ADARB2: variants seen among roughly 807,000 people sequenced by gnomAD.
ADARB2 encodes the protein adenosine deaminase RNA specific B2 (inactive), also known as inactive double-stranded RNA-specific editase B2.
In ADARB2, 25 loss-of-function variants were observed where a neutral mutation model predicts 62.2. That is an observed-to-expected ratio of 0.40 (90% CI 0.29 to 0.56). The LOEUF (loss-of-function observed/expected upper bound fraction) is 0.56. Among genes scored for constraint, ADARB2 ranks in the 20% least tolerant of loss-of-function variants. ADARB2 has a pLI of 0.43. For missense variants in ADARB2, 1,071 were observed against 1,077.4 expected, an observed-to-expected ratio of 0.99 and a Z score of 0.08; for synonymous variants, 572 against 500.8, an observed-to-expected ratio of 1.14 and a Z score of -1.90.
At position 1,636,665 on chromosome 10, in the gene ADARB2, T is replaced by A. The variant is rs1833920117; in HGVS notation, c.100+100386A>T. Among the ~76,000 whole-genome samples, 5 of 151,676 alleles carry A rather than the reference T, an allele frequency of 3.3e-5. No homozygotes were observed. In the South Asian group the frequency reaches 1.0e-3, roughly 32 times the overall value. ...TGATATAAATCTTGTACTTATTCAATTTTTATATATATGTAGATAGATATC... is the reference window on the plus strand; with the variant it reads ...TGATATAAATCTTGTACTTATTCAAATTTTATATATATGTAGATAGATATC... On this transcript the variant is annotated intron_variant, in intron 1 of 9. Coordinates refer to ENST00000381312, the MANE Select transcript of ADARB2 (RefSeq NM_018702.4).
rs370080074 is a variant in ADARB2 at position 1,651,981 on chromosome 10, G to C, written c.100+85070C>G. Among the ~76,000 whole-genome samples, 4 of 152,190 alleles carry C rather than the reference G, an allele frequency of 2.6e-5. No individual in the cohort carries two copies. In the East Asian group the frequency reaches 7.7e-4, roughly 29 times the overall value. On this transcript the variant is annotated intron_variant, in intron 1 of 9. Transcript: ENST00000381312. ...AGAAAAACGACACTATAAATAAAATGGTTTTCAATACAGAGAGCTGGGCTC... is the reference window on the plus strand; with the variant it reads ...AGAAAAACGACACTATAAATAAAATCGTTTTCAATACAGAGAGCTGGGCTC...
At chr10:1,423,537 T>C (rs1168972221) in intron 1 of ADARB2, among the ~76,000 whole-genome samples, 1 of 152,210 alleles carries the variant, frequency 6.6e-6, no homozygotes, top group African/African-American at 2.4e-5. Flanking sequence ...TAGTTGTCTT[T>C]GCTACCTTCC....
At chr10:1,547,975 G>A (rs927192592) in intron 1 of ADARB2, among the ~76,000 whole-genome samples, 5 of 152,166 alleles carry the variant, frequency 3.3e-5, no homozygotes, top group East Asian at 1.9e-4. Flanking sequence ...TTCAGGACAC[G>A]TGGTACTTGC....
chr10:1,322,043 A>AGT lies in ADARB2; in HGVS notation c.1077+40984_1077+40985insAC, dbSNP rs1473525600. Among the ~76,000 whole-genome samples the AGT allele has an allele frequency of 1.2e-3, 189 of 152,066 alleles. 1 individual carries two copies. The highest frequency in any genetic ancestry group is 4.3e-3 in the African/African-American group (180 of 41,476). On this transcript the variant is annotated intron_variant, in intron 3 of 9. Transcript: ENST00000381312. The stretch of plus-strand genomic sequence containing the variant: ...ATCCTGCCTCCTCCTCCCTCCTCTG[A>AGT]CCACCCAGCCCTGGACTCAGGAGAC...
intron 1 of ADARB2, among the ~76,000 whole-genome samples, chr10:1,713,149 C>T (rs945819543): frequency 6.6e-6 from 1 of 152,044 alleles, no homozygotes; most frequent in African/African-American, 2.4e-5. Context: ...TGGAGGGTAC[C>T]GCTCACACCT....
chr10:1,653,672 G>A (rs1428903549), intron 1 of ADARB2, among the ~76,000 whole-genome samples: 1 of 152,160 alleles, frequency 6.6e-6, no homozygotes, highest in Non-Finnish European at 1.5e-5. Flanking sequence ...GAGCCGCAGG[G>A]TCTGGGTTTT....
chr10:1,684,944 A>G (rs1045624820), intron 1 of ADARB2, among the ~76,000 whole-genome samples: 5 of 151,796 alleles, frequency 3.3e-5, no homozygotes, highest in Non-Finnish European at 7.4e-5. Context: ...GGCCTCATCC[A>G]TGCTCATGAG....
chr10:1,606,932 TG>T (rs1176468690), intron 1 of ADARB2, among the ~76,000 whole-genome samples: 2 of 152,206 alleles, frequency 1.3e-5, no homozygotes, highest in African/African-American at 2.4e-5. Flanking sequence ...TGACAGAATG[TG>T]GGGCAAATAG....
intron 1 of ADARB2, among the ~76,000 whole-genome samples, chr10:1,462,696 T>C (rs1469508339): frequency 6.6e-6 from 1 of 152,098 alleles, no homozygotes; most frequent in South Asian, 2.1e-4. Flanking sequence ...CATGTGTGTG[T>C]GCCTGTGTGT....
intron 1 of ADARB2, among the ~76,000 whole-genome samples, chr10:1,710,884 C>A (rs893538059): frequency 1.1e-4 from 17 of 152,156 alleles, no homozygotes; most frequent in African/African-American, 4.1e-4. Flanking sequence ...AGCTTTGATA[C>A]CTCCACAGAT....
rs370087895 is a variant in ADARB2 at position 1,557,444 on chromosome 10, T to C, written c.101-178284A>G. ...AGTCGCCTAAAATTCGCAGCCACGG[T>C]CCTCCAACAGGCCCCACGCTTCCCG... On this transcript the variant is annotated intron_variant, in intron 1 of 9. Transcript: ENST00000381312. Among the ~76,000 whole-genome samples, 89 of 152,144 alleles carry C rather than the reference T, an allele frequency of 5.8e-4. 2 individuals carry two copies. In the South Asian group the frequency reaches 0.018, roughly 31 times the overall value.
rs1240000204 is a variant in ADARB2, at chr10:1,181,466, AG to A, written c.*1726del. 6.6e-6 allele frequency: 1 copy of A among 152,252 alleles called. No individual in the cohort carries two copies. The highest frequency in any genetic ancestry group is 2.4e-5 in the African/African-American group (1 of 41,470). The allele number at this position is 152,252 out of a possible 1,614,324, so 9.4% of individuals were successfully genotyped here. ...TTATCTGGAAGAAGTTGTCTACTCC[AG>A]TACCTGTTTTCTTTTCTAAAAGAAC... On this transcript the variant is annotated 3_prime_UTR_variant, in exon 10 of 10. Coordinates refer to ENST00000381312, the MANE Select transcript of ADARB2 (RefSeq NM_018702.4).
At chr10:1,507,988 A>G (rs1015012777) in intron 1 of ADARB2, among the ~76,000 whole-genome samples, 1 of 152,164 alleles carries the variant, frequency 6.6e-6, no homozygotes, top group Non-Finnish European at 1.5e-5. Context: ...TGTCTGGTCC[A>G]AGGTTCCACA....
At chr10:1,211,463 C>T (rs890118217) in intron 7 of ADARB2, among the ~76,000 whole-genome samples, 7 of 152,144 alleles carry the variant, frequency 4.6e-5, no homozygotes, top group Non-Finnish European at 8.8e-5. Context: ...GAATGCATGA[C>T]GTGGAATGAG....
Position 1,242,154 on chromosome 10 carries a change from G to A in ADARB2, c.1338C>T (p.Tyr446=). ...VARRAFLHFL[Y]TQLELHLSKR... ...ACCTCAGGTGCAGCTCCAGCTGCGT[G>A]TAGAGGAAGTGCAGGAACGCCCGCC... is the stretch of plus-strand genomic sequence containing the variant. Residue 446 remains tyrosine, a synonymous_variant, in exon 5 of 10, where the codon TAC becomes TAT. Coordinates refer to ENST00000381312, the MANE Select transcript of ADARB2 (RefSeq NM_018702.4). 1 of 1,609,556 alleles carries A rather than the reference G, an allele frequency of 6.2e-7. No homozygotes were observed. Among genetic ancestry groups the A allele is most frequent in the Admixed American group, 1.7e-5 (1 of 59,940 alleles).
chr10:1,550,370 G>GC (rs1832599490), intron 1 of ADARB2, among the ~76,000 whole-genome samples: 1 of 152,230 alleles, frequency 6.6e-6, no homozygotes, highest in African/African-American at 2.4e-5. Context: ...GCGAACAGCA[G>GC]CTATTTTCTG....
In ADARB2 at chr10:1,363,668, G is replaced by A; in HGVS notation, c.437C>T (p.Ser146Leu). Reference protein sequence around the residue: ...LRPGLQYRTVSQTGPVHAPVF... With the variant: ...LRPGLQYRTVLQTGPVHAPVF... The stretch of plus-strand genomic sequence containing the variant: ...CGGGGCATGCACCGGGCCCGTCTGC[G>A]ACACTGTCCGGTACTGCAGGCCCGG... Residue 146 changes from serine to leucine, a missense_variant, in exon 3 of 10, where the codon TCG becomes TTG. Coordinates refer to ENST00000381312, the MANE Select transcript of ADARB2 (RefSeq NM_018702.4). 6.2e-7 allele frequency: 1 copy of A among 1,608,854 alleles called. No homozygotes were observed. Among genetic ancestry groups the A allele is most frequent in the Non-Finnish European group, 8.5e-7 (1 of 1,177,744 alleles).
At chr10:1,645,218 C>A (rs1032379071) in intron 1 of ADARB2, among the ~76,000 whole-genome samples, 2 of 152,308 alleles carry the variant, frequency 1.3e-5, no homozygotes, top group African/African-American at 4.8e-5. Flanking sequence ...TAGCACGATT[C>A]GCTCCATGCT....
chr10:1,607,689 G>A lies in ADARB2; in HGVS notation c.100+129362C>T, dbSNP rs527679231. On this transcript the variant is annotated intron_variant, in intron 1 of 9. Transcript: ENST00000381312. ...GAACCCTAGGGACCCTGCCCGCAGCGACATGCATAGAATCATGACTCCAGG... is the reference window on the plus strand; with the variant it reads ...GAACCCTAGGGACCCTGCCCGCAGCAACATGCATAGAATCATGACTCCAGG... Among the ~76,000 whole-genome samples the A allele has an allele frequency of 5.3e-5, 8 of 152,300 alleles. No individual in the cohort carries two copies. In the South Asian group the frequency reaches 8.3e-4, roughly 16 times the overall value.
Sources: allele counts gnomAD v4.1 joint callset (sites outside exome capture counted in the v4.1 genomes callset), GRCh38; gene constraint gnomAD v4.1.1; transcripts MANE v1.5; gene names NCBI Gene and HGNC (gene_info 2026-07-23, HGNC 2026-07-21).